The following TWIST2 variants were observed in gnomAD, a reference collection of about 807,000 sequenced individuals.
TWIST2 encodes the protein twist family bHLH transcription factor 2.
TWIST2 carries 1 observed loss-of-function variant against 11.6 expected under a neutral mutation model. The ratio of observed to expected loss-of-function variants is 0.09; its 90% CI spans 0.03 to 0.41. TWIST2 has a LOEUF of 0.41. Ranked by LOEUF, TWIST2 falls within the 10% of genes least tolerant of loss-of-function variation. The probability of loss-of-function intolerance (pLI) is 0.98; values close to 1 mark genes in which losing one functional copy is unlikely to be tolerated. For missense variants in TWIST2, 168 were observed against 226.4 expected, an observed-to-expected ratio of 0.74 and a Z score of 1.66; for synonymous variants, 87 against 96.6, an observed-to-expected ratio of 0.90 and a Z score of 0.58.
At chr2:238,906,241 C>T (rs1432367004) in intron 1 of TWIST2, among the ~76,000 whole-genome samples, 9 of 152,154 alleles carry the variant, frequency 5.9e-5, no homozygotes, top group African/African-American at 2.2e-4. Flanking sequence ...CACGGACCCA[C>T]GCACACAGAT....
In TWIST2 at chr2:238,848,159, A is replaced by T; in HGVS notation, c.-57A>T. ...GTGCTCGGCGACCGCGGGCTTGGCC[A>T]GCGGCGCGCGCTCGGCGCCCCGGCG... On this transcript the variant is annotated 5_prime_UTR_variant, in exon 1 of 2. Transcript: ENST00000612363. The T allele has an allele frequency of 1.7e-6, 2 of 1,179,488 alleles. No individual in the cohort carries two copies. Among genetic ancestry groups the T allele is most frequent in the Non-Finnish European group, 2.1e-6 (2 of 954,864 alleles). The allele number at this position is 1,179,488 out of a possible 1,614,324, so 73.1% of individuals were successfully genotyped here. A position where few individuals can be genotyped will look rare whatever the true frequency, so the allele number is the denominator to read the frequency against.
rs1692174777 is a variant in TWIST2 at position 238,848,474 on chromosome 2, G to T, written c.259G>T (p.Ala87Ser). 1 of 1,571,678 alleles carries T rather than the reference G, an allele frequency of 6.4e-7. No individual in the cohort carries two copies. Among genetic ancestry groups the T allele is most frequent in the East Asian group, 2.3e-5 (1 of 42,556 alleles). ...QRTQSLNEAFAALRKIIPTLP... is the reference protein window; with the variant it reads ...QRTQSLNEAFSALRKIIPTLP... ...CACCCAGTCGCTCAACGAGGCCTTCGCGGCGCTGCGCAAGATCATCCCCAC... is the reference window on the plus strand; with the variant it reads ...CACCCAGTCGCTCAACGAGGCCTTCTCGGCGCTGCGCAAGATCATCCCCAC... The change falls in exon 1 of 2, where the codon GCG (alanine) becomes TCG (serine). Residue 87 changes from alanine (A) to serine (S), a missense_variant. Physicochemically the swap from Ala to Ser is moderately conservative, Grantham distance 99 (BLOSUM62 1). Transcript: ENST00000612363.
intron 1 of TWIST2, among the ~76,000 whole-genome samples, chr2:238,877,019 A>AC (rs1005825444): frequency 3.2e-4 from 49 of 151,944 alleles, no homozygotes; most frequent in African/African-American, 1.2e-3. Context: ...ACATGCTGAG[A>AC]CCCCCGTCTC....
chr2:238,905,752 A>G (rs1693331548), intron 1 of TWIST2, among the ~76,000 whole-genome samples: 1 of 152,088 alleles, frequency 6.6e-6, no homozygotes, highest in Non-Finnish European at 1.5e-5. Context: ...TTACAACCAC[A>G]TTCTCCAAGA....
chr2:238,884,563 C>T (rs995663195), intron 1 of TWIST2, among the ~76,000 whole-genome samples: 6 of 152,206 alleles, frequency 3.9e-5, no homozygotes, highest in Admixed American at 1.3e-4. Flanking sequence ...GTGGTTGCCA[C>T]CCGCAGGCCA....
chr2:238,889,519 C>T (rs1002351677), intron 1 of TWIST2, among the ~76,000 whole-genome samples: 1 of 152,226 alleles, frequency 6.6e-6, no homozygotes, highest in African/African-American at 2.4e-5. Context: ...AACTGTCCCC[C>T]ACCCATCCCT....
chr2:238,876,396 C>A (rs372518837), intron 1 of TWIST2, among the ~76,000 whole-genome samples: 90 of 152,322 alleles, frequency 5.9e-4, no homozygotes, highest in African/African-American at 2.1e-3. Context: ...TGGGTAAACA[C>A]CTTCTGCTTT....
rs576566221 is a variant in TWIST2 at position 238,875,529 on chromosome 2, C to T, written c.*35+26796C>T. Among the ~76,000 whole-genome samples the T allele has an allele frequency of 1.6e-4, 24 of 152,302 alleles. No homozygotes were observed. In the Middle Eastern group the frequency reaches 0.01, roughly 65 times the overall value. ...ATATCCTCTGTGGCTTTGTTTTTCA[C>T]GTTACTGGCATTGGTTTGCTTTGTT... On this transcript the variant is annotated intron_variant, in intron 1 of 1. Transcript: ENST00000612363.
At chr2:238,908,080 CCATA>C (rs1237930146) in intron 1 of TWIST2, among the ~76,000 whole-genome samples, 7 of 149,492 alleles carry the variant, frequency 4.7e-5, no homozygotes, top group Admixed American at 4.0e-4. Context: ...ACACCACACA[CCATA>C]CAAACATACC....
At chr2:238,870,577 A>C (rs371415272) in intron 1 of TWIST2, among the ~76,000 whole-genome samples, 47,373 of 56,000 alleles carry the variant, frequency 0.85, 19,399 homozygotes, top group Middle Eastern at 0.91. Context: ...ACCACACACC[A>C]CACACACACA....
intron 1 of TWIST2, among the ~76,000 whole-genome samples, chr2:238,887,812 C>T (rs116671371): frequency 1.3e-5 from 2 of 152,246 alleles, no homozygotes; most frequent in Non-Finnish European, 2.9e-5. Context: ...GGAGCAGAGT[C>T]CCTGCCAACC....
intron 1 of TWIST2, among the ~76,000 whole-genome samples, chr2:238,898,908 G>C (rs1307407738): frequency 6.6e-6 from 1 of 152,272 alleles, no homozygotes; most frequent in Non-Finnish European, 1.5e-5. Context: ...GGCAGCTCTG[G>C]TGCCGGCTCC....
chr2:238,907,702 CAA>C (rs1235971779), intron 1 of TWIST2, among the ~76,000 whole-genome samples: 2 of 151,696 alleles, frequency 1.3e-5, no homozygotes, highest in Admixed American at 6.6e-5. Flanking sequence ...CACACACACA[CAA>C]ATGCACACAA....
rs145849029 is a variant in TWIST2, at chr2:238,873,951, C to G, written c.*35+25218C>G. 9.2e-5 allele frequency among the ~76,000 whole-genome samples: 14 copies of G among 152,238 alleles called. No individual in the cohort carries two copies. In the East Asian group the frequency reaches 2.5e-3, roughly 27 times the overall value. On this transcript the variant is annotated intron_variant, in intron 1 of 1. Coordinates refer to ENST00000612363, the MANE Select transcript of TWIST2 (RefSeq NM_001271893.4). ...CTCGAAACTGGGTTGGTGGCCTGCT[C>G]TAAACTTGCTGATCCATGTTCCATC...
intron 1 of TWIST2, among the ~76,000 whole-genome samples, chr2:238,906,371 T>G (rs1693356198): frequency 1.3e-5 from 2 of 151,084 alleles, no homozygotes; most frequent in East Asian, 3.9e-4. Context: ...CTCACGTGGA[T>G]GTACACACTT....
chr2:238,861,114 C>T (rs1308722081), intron 1 of TWIST2, among the ~76,000 whole-genome samples: 1 of 152,152 alleles, frequency 6.6e-6, no homozygotes, highest in Non-Finnish European at 1.5e-5. Flanking sequence ...CGCCGGGGCC[C>T]TGGCCTCTTC....
Position 238,871,656 on chromosome 2 carries a change from C to A in TWIST2, c.*35+22923C>A, listed in dbSNP as rs369008439. On this transcript the variant is annotated intron_variant, in intron 1 of 1. Transcript: ENST00000612363. ...CACACCCCACACACAAACACCCCCC[C>A]CACACACACCATCACCCCCCCCCAA... is the stretch of plus-strand genomic sequence containing the variant. Among the ~76,000 whole-genome samples the A allele has an allele frequency of 7.0e-3, 522 of 74,196 alleles. 10 individuals are homozygous for A. In the East Asian group the frequency reaches 0.15, roughly 21 times the overall value. The allele number at this position is 74,196 out of a possible 152,430, so 48.7% of individuals were successfully genotyped here.
rs145062685 is a variant in TWIST2 at position 238,875,503 on chromosome 2, T to C, written c.*35+26770T>C. Among the ~76,000 whole-genome samples, 30 of 152,256 alleles carry C rather than the reference T, an allele frequency of 2.0e-4. 1 individual carries two copies. Among genetic ancestry groups the C allele is most frequent in the African/African-American group, 6.0e-4 (25 of 41,560 alleles). On this transcript the variant is annotated intron_variant, in intron 1 of 1. Coordinates refer to ENST00000612363, the MANE Select transcript of TWIST2 (RefSeq NM_001271893.4). ...GCTGGCCAAGCATCCCAGTAAAGGG[T>C]ATATCCTCTGTGGCTTTGTTTTTCA...
intron 1 of TWIST2, among the ~76,000 whole-genome samples, chr2:238,870,397 A>G (rs371002630): frequency 7.8e-4 from 103 of 132,724 alleles, no homozygotes; most frequent in Middle Eastern, 9.1e-3. Flanking sequence ...CACACCCCAC[A>G]CACACATCAC....
Sources: allele counts gnomAD v4.1 joint callset (sites outside exome capture counted in the v4.1 genomes callset), GRCh38; gene constraint gnomAD v4.1.1; transcripts MANE v1.5; gene names NCBI Gene and HGNC (gene_info 2026-07-23, HGNC 2026-07-21).